Variants in NUP133 observed in about 807,000 individuals in gnomAD.
The protein encoded by NUP133 is nucleoporin 133, also known as nuclear pore complex protein Nup133.
In NUP133, 66 loss-of-function variants were observed where a neutral mutation model predicts 146.2. The observed-to-expected ratio is 0.45, with a 90% CI of 0.37 to 0.55. The LOEUF (loss-of-function observed/expected upper bound fraction) is 0.55, where lower values mean the gene tolerates loss of function less well. Among genes scored for constraint, NUP133 ranks in the 20% least tolerant of loss-of-function variants. The pLI, the probability that NUP133 is intolerant of heterozygous loss-of-function variation, is 0.00. For synonymous variants in NUP133, 521 were observed against 498.8 expected (o/e 1.04, Z -0.59); for missense variants, 1,277 against 1,374.8 (o/e 0.93, Z 1.12).
intron 20 of NUP133, among the ~76,000 whole-genome samples, chr1:229,458,829 G>A (rs549279609): frequency 1.6e-3 from 242 of 151,266 alleles, no homozygotes; most frequent in Non-Finnish European, 2.6e-3. Flanking sequence ...CCTGCCTCAG[G>A]CTCCTGAGTA....
chr1:229,500,938 C>G (rs1571941208), intron 3 of NUP133, 75 bp from the exon 4 acceptor site: 1 of 865,716 alleles, frequency 1.2e-6, no homozygotes, highest in East Asian at 2.7e-5. Flanking sequence ...TTTCCCTTCT[C>G]TGCATATTTT....
Position 229,498,145 on chromosome 1 carries a change from A to G in NUP133, c.810T>C (p.Ser270=). The G allele has an allele frequency of 6.3e-7, 1 of 1,580,886 alleles. No homozygotes were observed. Among genetic ancestry groups the G allele is most frequent in the Non-Finnish European group, 8.6e-7 (1 of 1,168,754 alleles). ...SSLFGILSPS[S]DLTLSSVLWD... is the part of the protein sequence containing the mutation. ...TATTTTATAAACTTACTGTGAGATCACTACTAGGAGATAAAATTCCAAAAA... is the reference window on the plus strand; with the variant it reads ...TATTTTATAAACTTACTGTGAGATCGCTACTAGGAGATAAAATTCCAAAAA... Residue 270 remains serine, a synonymous_variant, in exon 6 of 26, where the codon AGT becomes AGC. Coordinates refer to ENST00000261396, the MANE Select transcript of NUP133 (RefSeq NM_018230.3).
At chr1:229,458,083 T>A in intron 21 of NUP133, 78 bp downstream of exon 21, 3 of 1,442,538 alleles carry the variant, frequency 2.1e-6, no homozygotes, top group Non-Finnish European at 2.8e-6. Flanking sequence ...TAGATCCTGC[T>A]AACTGATGAC....
chr1:229,482,410 C>G (rs1661236680), intron 12 of NUP133, among the ~76,000 whole-genome samples: 1 of 152,010 alleles, frequency 6.6e-6, no homozygotes, highest in Non-Finnish European at 1.5e-5. Context: ...AACTCCCACC[C>G]CACTCAATAC....
At chr1:229,507,481 G>A (rs976265683) in intron 1 of NUP133, among the ~76,000 whole-genome samples, 1 of 152,104 alleles carries the variant, frequency 6.6e-6, no homozygotes, top group East Asian at 1.9e-4. Flanking sequence ...CTCCAAACGA[G>A]CAGTTTTAGT....
At chr1:229,477,197 T>G (rs1661097902) in intron 13 of NUP133, among the ~76,000 whole-genome samples, 2 of 152,004 alleles carry the variant, frequency 1.3e-5, no homozygotes, top group Admixed American at 1.3e-4. Context: ...CCCAGCACTT[T>G]GGGAGGCCGA....
chr1:229,468,482 T>C (rs1660876339), intron 15 of NUP133, among the ~76,000 whole-genome samples: 1 of 152,116 alleles, frequency 6.6e-6, no homozygotes, highest in Admixed American at 6.5e-5. Context: ...GGAACAGTCC[T>C]AAACATTACC....
intron 19 of NUP133, among the ~76,000 whole-genome samples, chr1:229,463,019 A>G (rs933326306): frequency 6.6e-6 from 1 of 152,224 alleles, no homozygotes; most frequent in South Asian, 2.1e-4. Flanking sequence ...TACTTTTATA[A>G]TAACTAGAAA....
chr1:229,479,661 A>T (rs1371576099), intron 12 of NUP133, among the ~76,000 whole-genome samples: 2 of 152,158 alleles, frequency 1.3e-5, no homozygotes, highest in African/African-American at 4.8e-5. Context: ...TGGAGAAGAT[A>T]AGCTCGGTTT....
At chr1:229,468,381 T>A (rs1660872643) in intron 15 of NUP133, among the ~76,000 whole-genome samples, 1 of 152,174 alleles carries the variant, frequency 6.6e-6, no homozygotes. Context: ...CTTTTCATGA[T>A]CATTATGACA....
intron 18 of NUP133, among the ~76,000 whole-genome samples, chr1:229,463,906 G>A (rs1368204169): frequency 6.6e-6 from 1 of 152,104 alleles, no homozygotes; most frequent in Admixed American, 6.5e-5. Flanking sequence ...AGCACTTTGG[G>A]AGGCTGAGGC....
intron 12 of NUP133, among the ~76,000 whole-genome samples, chr1:229,478,148 TA>T (rs199546842): frequency 8.6e-5 from 13 of 150,480 alleles, no homozygotes; most frequent in African/African-American, 2.2e-4. Flanking sequence ...CCCATAAAAA[TA>T]AAAAAAAAAT....
intron 1 of NUP133, among the ~76,000 whole-genome samples, chr1:229,506,820 T>TAAA (rs1432285158): frequency 1.4e-5 from 1 of 71,670 alleles, no homozygotes. Flanking sequence ...CCCTGTCTCT[T>TAAA]TAAAAAAAAA....
Position 229,487,620 on chromosome 1 carries a change from GTTAAAT to G in NUP133, c.1195-13_1195-8del, listed in dbSNP as rs762212034. Reference sequence around the variant, plus strand: ...ACAAAATCAGGTCTTCAGACTGAAAGTTAAATTTAAGATTACATTTAACAAGAAGTA... The same window carrying G: ...ACAAAATCAGGTCTTCAGACTGAAAGTTAAGATTACATTTAACAAGAAGTA... On this transcript the variant is annotated splice_polypyrimidine_tract_variant and splice_region_variant and intron_variant, in intron 9 of 25. Coordinates refer to ENST00000261396, the MANE Select transcript of NUP133 (RefSeq NM_018230.3). The G allele has an allele frequency of 3.6e-5, 57 of 1,582,586 alleles. No homozygotes were observed. Among genetic ancestry groups the G allele is most frequent in the Non-Finnish European group, 4.7e-5 (55 of 1,168,878 alleles).
intron 9 of NUP133, among the ~76,000 whole-genome samples, chr1:229,489,156 T>C (rs769778612): frequency 1.3e-5 from 2 of 152,096 alleles, no homozygotes; most frequent in Non-Finnish European, 2.9e-5. Context: ...CTTTTTCTTC[T>C]TTTTTTAGGA....
intron 22 of NUP133, 90 bp downstream of exon 22, chr1:229,452,435 C>A: frequency 1.1e-6 from 1 of 898,746 alleles, no homozygotes. Context: ...AGAACAATAA[C>A]TCCTCTTAGG....
At chr1:229,486,325 A>AAAATAAAAAT in intron 11 of NUP133, 46 bp downstream of exon 11, 1 of 1,519,854 alleles carries the variant, frequency 6.6e-7, no homozygotes, top group African/African-American at 1.7e-5. Context: ...CTATCTCTAA[A>AAAATAAAAAT]AAATAAATAA....
intron 15 of NUP133, 37 bp downstream of exon 15, chr1:229,470,543 A>C: frequency 6.6e-7 from 1 of 1,520,870 alleles, no homozygotes; most frequent in African/African-American, 1.4e-5. Context: ...TAAATGGCAC[A>C]GTTCTACAAA....
Position 229,508,208 on chromosome 1 carries a change from C to A in NUP133, c.42G>T (p.Gly14=). Residue 14 remains glycine, a synonymous_variant, in exon 1 of 26, where the codon GGG becomes GGT. Transcript: ENST00000261396. ...AAPSPRTPGT[G]SRRGPLAGLG... ...GTCCGGCCAGCGGGCCCCTTCGGGA[C>A]CCGGTACCCGGGGTCCGCGGAGAAG... 2 of 1,557,138 alleles carry A rather than the reference C, an allele frequency of 1.3e-6. No individual in the cohort carries two copies. Among genetic ancestry groups the A allele is most frequent in the Non-Finnish European group, 1.7e-6 (2 of 1,154,522 alleles).
Sources: allele counts gnomAD v4.1 joint callset (sites outside exome capture counted in the v4.1 genomes callset), GRCh38; gene constraint gnomAD v4.1.1; transcripts MANE v1.5; gene names NCBI Gene and HGNC (gene_info 2026-07-23, HGNC 2026-07-21).